The following CTNNA2 variants were observed in gnomAD, a reference collection of about 807,000 sequenced individuals.
CTNNA2 encodes catenin alpha-2.
CTNNA2 carries 42 observed loss-of-function variants against 101.0 expected under a neutral mutation model. That is an observed-to-expected ratio of 0.42 (90% CI 0.32 to 0.54). The LOEUF (loss-of-function observed/expected upper bound fraction) is 0.54. Ranked by LOEUF, CTNNA2 falls within the 20% of genes least tolerant of loss-of-function variation. The pLI, the probability that CTNNA2 is intolerant of heterozygous loss-of-function variation, is 0.14. For missense variants in CTNNA2, 871 were observed against 1,223.1 expected (o/e 0.71, Z 4.29); for synonymous variants, 450 against 456.4 (o/e 0.99, Z 0.18).
chr2:80,007,064 T>G (rs2103994918), intron 7 of CTNNA2, among the ~76,000 whole-genome samples: 1 of 152,300 alleles, frequency 6.6e-6, no homozygotes, highest in South Asian at 2.1e-4. Flanking sequence ...TCACATCTAT[T>G]ACCATTTGAA....
intron 6 of CTNNA2, among the ~76,000 whole-genome samples, chr2:79,899,792 G>T (rs1684960649): frequency 6.6e-6 from 1 of 152,106 alleles, no homozygotes; most frequent in African/African-American, 2.4e-5. Context: ...AATCTAAAAT[G>T]GTGGTTAGAA....
At chr2:79,290,698 G>A (rs897172968) in intron 2 of CTNNA2, among the ~76,000 whole-genome samples, 7 of 152,148 alleles carry the variant, frequency 4.6e-5, no homozygotes, top group Non-Finnish European at 7.3e-5. Context: ...CATGGAGTTT[G>A]ACTGGGGAGT....
At chr2:79,729,044 A>G (rs1687040747) in intron 2 of CTNNA2, among the ~76,000 whole-genome samples, 1 of 152,182 alleles carries the variant, frequency 6.6e-6, no homozygotes, top group Admixed American at 6.6e-5. Context: ...ATGAACCAGG[A>G]GTCAAGAATT....
intron 8 of CTNNA2, among the ~76,000 whole-genome samples, chr2:80,414,595 T>C (rs1287916368): frequency 1.3e-5 from 2 of 152,176 alleles, no homozygotes; most frequent in East Asian, 3.9e-4. Context: ...GACCGCTACC[T>C]CCTGTACTCT....
At chr2:80,617,352 G>A (rs1453010725) in intron 17 of CTNNA2, among the ~76,000 whole-genome samples, 1 of 151,594 alleles carries the variant, frequency 6.6e-6, no homozygotes, top group Non-Finnish European at 1.5e-5. Flanking sequence ...TGTAAAAGTG[G>A]AGAGAAAATA....
chr2:80,490,048 T>C (rs946543315), intron 9 of CTNNA2, among the ~76,000 whole-genome samples: 2 of 152,178 alleles, frequency 1.3e-5, no homozygotes, highest in Admixed American at 6.6e-5. Flanking sequence ...AAAACAGTTA[T>C]ATGAATATCA....
At chr2:80,601,421 C>CTTTTTTTTTTTTTTTT (rs56921519) in intron 15 of CTNNA2, among the ~76,000 whole-genome samples, 20 of 84,374 alleles carry the variant, frequency 2.4e-4, no homozygotes, top group African/African-American at 7.6e-4. Flanking sequence ...TTCTTTCTTT[C>CTTTTTTTTTTTTTTTT]TTTTTTTTTT....
chr2:79,752,946 G>A (rs1672142801), intron 3 of CTNNA2, among the ~76,000 whole-genome samples: 1 of 152,186 alleles, frequency 6.6e-6, no homozygotes, highest in African/African-American at 2.4e-5. Context: ...AAAGCAGGTA[G>A]GGAGGAGAGA....
In CTNNA2 at chr2:80,032,641, G is replaced by A. The variant is rs1351884742; in HGVS notation, c.1056+122844G>A. On this transcript the variant is annotated intron_variant, in intron 7 of 18. Transcript: ENST00000402739. Reference sequence around the variant, plus strand: ...ATTAGTGCAAAGATCACTGAGTGAAGTAGCAGTATATGATTAATATGCAAA... The same window carrying A: ...ATTAGTGCAAAGATCACTGAGTGAAATAGCAGTATATGATTAATATGCAAA... Among the ~76,000 whole-genome samples the A allele has an allele frequency of 2.6e-5, 4 of 152,284 alleles. 1 individual carries two copies. Among genetic ancestry groups the A allele is most frequent in the Middle Eastern group, 6.8e-3 (2 of 294 alleles).
intron 3 of CTNNA2, among the ~76,000 whole-genome samples, chr2:79,845,546 C>G (rs903145554): frequency 6.6e-6 from 1 of 152,238 alleles, no homozygotes; most frequent in East Asian, 1.9e-4. Flanking sequence ...GTCAGGCTGT[C>G]GGAACATTTT....
At position 80,532,212 on chromosome 2, in the gene CTNNA2, C is replaced by T. The variant is rs931638411; in HGVS notation, c.1291-12770C>T. 2.6e-5 allele frequency among the ~76,000 whole-genome samples: 4 copies of T among 152,248 alleles called. No homozygotes were observed. In the Middle Eastern group the frequency reaches 0.01, roughly 388 times the overall value. The stretch of plus-strand genomic sequence containing the variant: ...ACAGTATATGGTAGTCCCCCCTTAT[C>T]CATAGTTTTGCTTTCTGGAGTTTCA... On this transcript the variant is annotated intron_variant, in intron 9 of 18. Transcript: ENST00000402739.
intron 7 of CTNNA2, among the ~76,000 whole-genome samples, chr2:80,387,559 A>T (rs1388085390): frequency 6.6e-6 from 1 of 152,172 alleles, no homozygotes; most frequent in African/African-American, 2.4e-5. Flanking sequence ...AATTGTTGAA[A>T]TAAAATATTG....
chr2:80,335,497 T>C (rs1217329598), intron 7 of CTNNA2, among the ~76,000 whole-genome samples: 1 of 152,090 alleles, frequency 6.6e-6, no homozygotes, highest in Non-Finnish European at 1.5e-5. Context: ...TACAGCGCAG[T>C]GTACAATCAC....
In CTNNA2 at chr2:79,678,063, T is replaced by G. The variant is rs546864228; in HGVS notation, c.102+26405T>G. Among the ~76,000 whole-genome samples the G allele has an allele frequency of 3.3e-5, 5 of 152,294 alleles. No homozygotes were observed. In the South Asian group the frequency reaches 8.3e-4, roughly 25 times the overall value. ...GGTCATGACGGTGGTGGTGATTCTT[T>G]AAGGTCTGGAAAGGACACTGTCTAC... On this transcript the variant is annotated intron_variant, in intron 2 of 18. Transcript: ENST00000402739.
At chr2:80,644,812 A>C (rs2149866241) in intron 18 of CTNNA2, among the ~76,000 whole-genome samples, 1 of 152,274 alleles carries the variant, frequency 6.6e-6, no homozygotes, top group South Asian at 2.1e-4. Flanking sequence ...GCTTGAATAA[A>C]ATTCTTGGCT....
chr2:79,556,099 C>A (rs1260230363), intron 1 of CTNNA2, among the ~76,000 whole-genome samples: 2 of 152,002 alleles, frequency 1.3e-5, no homozygotes, highest in East Asian at 3.9e-4. Context: ...AATATATCCT[C>A]CTCCATATAA....
chr2:79,766,298 T>C lies in CTNNA2; in HGVS notation c.298+21716T>C, dbSNP rs555103713. Among the ~76,000 whole-genome samples, 74 of 152,338 alleles carry C rather than the reference T, an allele frequency of 4.9e-4. 1 individual carries two copies. Among genetic ancestry groups the C allele is most frequent in the African/African-American group, 1.7e-3 (70 of 41,580 alleles). On this transcript the variant is annotated intron_variant, in intron 3 of 18. Transcript: ENST00000402739. ...GCTTGAAGGATGTTTTCACCAGATATACTATTCTGAGGTAAAAGTTTTTTT... is the reference window on the plus strand; with the variant it reads ...GCTTGAAGGATGTTTTCACCAGATACACTATTCTGAGGTAAAAGTTTTTTT...
At chr2:80,500,105 G>A (rs1466717115) in intron 9 of CTNNA2, among the ~76,000 whole-genome samples, 2 of 152,074 alleles carry the variant, frequency 1.3e-5, no homozygotes, top group Non-Finnish European at 2.9e-5. Flanking sequence ...AAATAGAAGC[G>A]TGTGCTTACA....
chr2:79,584,090 G>A (rs891279207), intron 1 of CTNNA2, among the ~76,000 whole-genome samples: 2 of 152,038 alleles, frequency 1.3e-5, no homozygotes, highest in African/African-American at 4.8e-5. Flanking sequence ...TGCCTCCATC[G>A]TAAAGTTGCC....
Sources: gnomAD v4.1 joint callset for allele counts (sites outside exome capture counted in the v4.1 genomes callset) on GRCh38, gnomAD v4.1.1 for gene constraint, MANE v1.5 for transcripts, NCBI Gene and HGNC (gene_info 2026-07-23, HGNC 2026-07-21) for gene names.